Variants in PKP2 observed in about 807,000 individuals in gnomAD.
PKP2 encodes the protein plakophilin 2, also known as plakophilin-2.
In PKP2, 73 loss-of-function variants were observed where a neutral mutation model predicts 83.4. The ratio of observed to expected loss-of-function variants is 0.88; its 90% CI spans 0.72 to 1.06. The LOEUF (loss-of-function observed/expected upper bound fraction) is 1.06. Ranked by LOEUF, PKP2 falls within the 50% of genes least tolerant of loss-of-function variation. PKP2 has a pLI of 0.00. For missense variants in PKP2, 966 were observed against 1,065.4 expected, an observed-to-expected ratio of 0.91 and a Z score of 1.30; for synonymous variants, 409 against 430.4, an observed-to-expected ratio of 0.95 and a Z score of 0.62.
At chr12:32,813,906 T>C (rs1194407736) in intron 9 of PKP2, among the ~76,000 whole-genome samples, 1 of 152,188 alleles carries the variant, frequency 6.6e-6, no homozygotes, top group African/African-American at 2.4e-5. Context: ...CTCAAAGGAA[T>C]TTAATTACTA....
At chr12:32,885,686 T>C (rs544234956) in intron 1 of PKP2, among the ~76,000 whole-genome samples, 1 of 152,162 alleles carries the variant, frequency 6.6e-6, no homozygotes, top group East Asian at 1.9e-4. Flanking sequence ...AAAACTAAGT[T>C]GATTTTCATA....
At chr12:32,860,289 C>T (rs1357364778) in intron 4 of PKP2, among the ~76,000 whole-genome samples, 5 of 152,112 alleles carry the variant, frequency 3.3e-5, no homozygotes, top group African/African-American at 9.7e-5. Context: ...GAGGACCTGC[C>T]TGCTAGTATT....
rs927408715 is a variant in PKP2 at position 32,813,596 on chromosome 12, T to G, written c.2013+7760A>C. Among the ~76,000 whole-genome samples the G allele has an allele frequency of 9.9e-5, 15 of 152,062 alleles. 1 individual carries two copies. The highest frequency in any genetic ancestry group is 6.8e-3 in the Middle Eastern group (2 of 294). On this transcript the variant is annotated intron_variant, in intron 9 of 12. Transcript: ENST00000340811. ...GGAGTTTGAGACCAGCTGGGCAACA[T>G]AGTGAGACCCTGTCTCTACAAATGA...
chr12:32,821,577 G>A (rs376078552), intron 8 of PKP2, 48 bp from the exon 9 acceptor site: 68 of 1,578,302 alleles, frequency 4.3e-5, no homozygotes, highest in Non-Finnish European at 5.7e-5. Context: ...TCAGGTGATG[G>A]CTATAATTTC....
intron 4 of PKP2, among the ~76,000 whole-genome samples, chr12:32,866,007 C>G (rs1190911345): frequency 6.6e-6 from 1 of 151,726 alleles, no homozygotes; most frequent in South Asian, 2.1e-4. Flanking sequence ...ACATGAAAAG[C>G]AGAAACCATA....
chr12:32,845,425 G>A (rs1230375636), intron 5 of PKP2, among the ~76,000 whole-genome samples: 2 of 152,120 alleles, frequency 1.3e-5, no homozygotes, highest in Admixed American at 6.5e-5. Flanking sequence ...GGTGGCGGGT[G>A]CCTGTAGTCC....
chr12:32,872,437 G>A (rs143602104), intron 3 of PKP2, among the ~76,000 whole-genome samples: 3,121 of 152,292 alleles, frequency 0.02, 46 homozygotes, highest in South Asian at 0.036. Context: ...GGGAGGCTGA[G>A]GCAGGAGAAT....
intron 6 of PKP2, among the ~76,000 whole-genome samples, chr12:32,831,238 C>A (rs1017517926): frequency 1.3e-5 from 2 of 152,136 alleles, no homozygotes; most frequent in Non-Finnish European, 2.9e-5. Context: ...ATCCATACCT[C>A]CAAGATAGGC....
chr12:32,840,964 C>T, intron 6 of PKP2, 64 bp downstream of exon 6: 1 of 1,223,450 alleles, frequency 8.2e-7, no homozygotes, highest in Non-Finnish European at 1.2e-6. Flanking sequence ...TATATCCTGA[C>T]TTCCTTGGGG....
intron 3 of PKP2, 61 bp from the exon 4 acceptor site, chr12:32,869,123 T>C (rs1217608039): frequency 6.3e-7 from 1 of 1,599,082 alleles, no homozygotes; most frequent in Non-Finnish European, 8.5e-7. Flanking sequence ...CCTACCAACC[T>C]GGTCCTCCAG....
At chr12:32,797,985 C>T (rs1469844464) in intron 10 of PKP2, among the ~76,000 whole-genome samples, 2 of 151,818 alleles carry the variant, frequency 1.3e-5, no homozygotes, top group Non-Finnish European at 2.9e-5. Flanking sequence ...AATGAGACCC[C>T]GTCTCTATTT....
rs764608036 is a variant in PKP2, at chr12:32,843,308, T to C, written c.1379-2103A>G. 8 of 1,364,930 alleles carry C rather than the reference T, an allele frequency of 5.9e-6. No individual in the cohort carries two copies. In the South Asian group the frequency reaches 8.0e-5, roughly 14 times the overall value. 84.6% of individuals were successfully genotyped at this position (1,364,930 alleles called of 1,614,324 possible). On this transcript the variant is annotated intron_variant, in intron 5 of 12. Coordinates refer to ENST00000340811, the MANE Select transcript of PKP2 (RefSeq NM_001005242.3). ...CCATTCCTACTTCTTAAATTGACTG[T>C]ATGGTCTGTACAAAGGAAAGAGGAA... is the stretch of plus-strand genomic sequence containing the variant.
intron 6 of PKP2, among the ~76,000 whole-genome samples, chr12:32,839,624 A>T (rs1489839098): frequency 1.3e-5 from 2 of 152,086 alleles, no homozygotes; most frequent in Non-Finnish European, 1.5e-5. Context: ...TCTCAGCCAC[A>T]TGGGCCAATG....
chr12:32,845,690 A>G (rs1253323231), intron 5 of PKP2, among the ~76,000 whole-genome samples: 1 of 152,240 alleles, frequency 6.6e-6, no homozygotes, highest in Non-Finnish European at 1.5e-5. Context: ...TCTTCAGTGA[A>G]AAAGAATGAG....
chr12:32,822,179 G>A (rs551628973), intron 8 of PKP2, among the ~76,000 whole-genome samples: 9 of 152,120 alleles, frequency 5.9e-5, no homozygotes, highest in East Asian at 3.8e-4. Context: ...AAAGCAGTAC[G>A]GTTCATGGGT....
At chr12:32,881,390 G>A (rs1299789129) in intron 1 of PKP2, among the ~76,000 whole-genome samples, 2 of 152,026 alleles carry the variant, frequency 1.3e-5, no homozygotes, top group Non-Finnish European at 2.9e-5. Flanking sequence ...GGCAAAGAAC[G>A]GCTGGAACTT....
At chr12:32,797,788 T>C (rs12823220) in intron 10 of PKP2, among the ~76,000 whole-genome samples, 133,821 of 151,722 alleles carry the variant, frequency 0.88, 59,238 homozygotes, top group Non-Finnish European at 0.92. Context: ...GATCTCCTGA[T>C]CTTGTGATCC....
intron 3 of PKP2, 91 bp downstream of exon 3, chr12:32,877,755 C>A: frequency 1.1e-6 from 1 of 948,774 alleles, no homozygotes; most frequent in Non-Finnish European, 1.7e-6. Flanking sequence ...GCCCTTCTCT[C>A]AAGCCCCAGA....
intron 11 of PKP2, among the ~76,000 whole-genome samples, chr12:32,794,873 G>C (rs1361045078): frequency 6.6e-6 from 1 of 152,286 alleles, no homozygotes; most frequent in East Asian, 1.9e-4. Flanking sequence ...GCACTGCAGA[G>C]TGGGGCTGCA....
Sources: gnomAD v4.1 joint callset for allele counts (sites outside exome capture counted in the v4.1 genomes callset) on GRCh38, gnomAD v4.1.1 for gene constraint, MANE v1.5 for transcripts, NCBI Gene and HGNC (gene_info 2026-07-23, HGNC 2026-07-21) for gene names.